PDE11A: variants seen among roughly 807,000 people sequenced by gnomAD.
PDE11A encodes dual 3',5'-cyclic-AMP and -GMP phosphodiesterase 11A.
Under a neutral mutation model 100.5 loss-of-function variants are expected in PDE11A, and 100 were observed. The ratio of observed to expected loss-of-function variants is 1.00; its 90% CI spans 0.85 to 1.18. The LOEUF (loss-of-function observed/expected upper bound fraction) is 1.18. PDE11A is among the 50% of genes most tolerant of loss of function. The probability of loss-of-function intolerance (pLI) is 0.00; values close to 1 mark genes in which losing one functional copy is unlikely to be tolerated. For missense variants in PDE11A, 1,141 were observed against 1,152.6 expected (o/e 0.99, Z 0.15); for synonymous variants, 381 against 420.8 (o/e 0.91, Z 1.16).
intron 2 of PDE11A, among the ~76,000 whole-genome samples, chr2:177,930,065 A>G (rs2085185084): frequency 6.6e-6 from 1 of 152,196 alleles, no homozygotes; most frequent in Admixed American, 6.5e-5. Context: ...TTAATACTTT[A>G]GATTTCTCAT....
intron 10 of PDE11A, among the ~76,000 whole-genome samples, chr2:177,751,121 T>C (rs1286964244): frequency 8.2e-5 from 8 of 98,130 alleles, no homozygotes; most frequent in Non-Finnish European, 4.7e-5. Context: ...AGAGTCATAG[T>C]GAGTAAGAAA....
intron 2 of PDE11A, among the ~76,000 whole-genome samples, chr2:177,999,574 C>T (rs1280806133): frequency 6.6e-6 from 1 of 152,156 alleles, no homozygotes; most frequent in African/African-American, 2.4e-5. Context: ...GGAGTTAAAA[C>T]TGCCCAGACG....
intron 3 of PDE11A, among the ~76,000 whole-genome samples, chr2:177,899,224 G>A (rs929851718): frequency 4.6e-5 from 7 of 152,098 alleles, no homozygotes; most frequent in South Asian, 2.1e-4. Flanking sequence ...TGGCTAATAC[G>A]GTGAAACCCC....
intron 12 of PDE11A, among the ~76,000 whole-genome samples, chr2:177,721,929 A>G (rs970812371): frequency 3.3e-5 from 5 of 152,096 alleles, no homozygotes; most frequent in Non-Finnish European, 5.9e-5. Flanking sequence ...ATAGCTCCCA[A>G]CTTAACACCC....
chr2:177,749,316 A>G (rs1574104256), intron 10 of PDE11A, among the ~76,000 whole-genome samples: 1 of 151,744 alleles, frequency 6.6e-6, no homozygotes, highest in Non-Finnish European at 1.5e-5. Flanking sequence ...GGATCAAGCA[A>G]CCCTCCTGCC....
intron 10 of PDE11A, among the ~76,000 whole-genome samples, chr2:177,742,152 T>G (rs776493156): frequency 1.3e-5 from 2 of 151,606 alleles, no homozygotes; most frequent in Non-Finnish European, 2.9e-5. Context: ...GGCAGTGGAG[T>G]GCTTCTCCAG....
intron 2 of PDE11A, among the ~76,000 whole-genome samples, chr2:178,095,361 C>A (rs1425087493): frequency 6.6e-6 from 1 of 152,214 alleles, no homozygotes; most frequent in Non-Finnish European, 1.5e-5. Flanking sequence ...AATCTTAAAG[C>A]TCCAAAATGA....
intron 10 of PDE11A, among the ~76,000 whole-genome samples, chr2:177,734,493 C>A (rs76851896): frequency 6.6e-6 from 1 of 151,978 alleles, no homozygotes; most frequent in African/African-American, 2.4e-5. Flanking sequence ...GGTAACACAG[C>A]GAAACCCCAT....
At chr2:177,869,453 C>G (rs531720713) in intron 5 of PDE11A, among the ~76,000 whole-genome samples, 1 of 152,326 alleles carries the variant, frequency 6.6e-6, no homozygotes, top group Non-Finnish European at 1.5e-5. Flanking sequence ...TTGTTGAATC[C>G]TGCTCGTGCA....
chr2:178,028,824 A>C (rs1308249230), intron 1 of PDE11A, among the ~76,000 whole-genome samples: 2 of 152,198 alleles, frequency 1.3e-5, no homozygotes, highest in Non-Finnish European at 2.9e-5. Context: ...CAGGGCCAGG[A>C]ACCATTCTAT....
At chr2:178,072,922 G>C, upstream of PDE11A, 1 of 985,380 alleles carries the variant, frequency 1.0e-6, no homozygotes, top group Non-Finnish European at 1.2e-6. Context: ...GCGGTTCCTG[G>C]AAGAGTCTCT....
chr2:177,907,640 G>A (rs1296396789), intron 2 of PDE11A, among the ~76,000 whole-genome samples: 1 of 152,190 alleles, frequency 6.6e-6, no homozygotes, highest in Non-Finnish European at 1.5e-5. Flanking sequence ...GGCACTGGCT[G>A]TATCTTTCTG....
chr2:178,019,577 G>A (rs1215950874), intron 1 of PDE11A, among the ~76,000 whole-genome samples: 1 of 152,094 alleles, frequency 6.6e-6, no homozygotes, highest in East Asian at 1.9e-4. Flanking sequence ...AACCTAGATG[G>A]CTTATTCTTA....
chr2:177,952,145 G>A (rs1323373341), intron 2 of PDE11A, among the ~76,000 whole-genome samples: 4 of 152,154 alleles, frequency 2.6e-5, no homozygotes, highest in Non-Finnish European at 5.9e-5. Flanking sequence ...TGACAAAGTA[G>A]ACTCTTTTAT....
chr2:177,698,849 T>C (rs1043205492), intron 14 of PDE11A, among the ~76,000 whole-genome samples: 1 of 152,202 alleles, frequency 6.6e-6, no homozygotes, highest in Non-Finnish European at 1.5e-5. Context: ...GCCTGTGCAT[T>C]ACCCAATGAT....
chr2:178,026,851 G>A (rs2086485316), intron 1 of PDE11A, among the ~76,000 whole-genome samples: 1 of 151,724 alleles, frequency 6.6e-6, no homozygotes, highest in African/African-American at 2.4e-5. Context: ...TACATATTTG[G>A]GAAAAATAAG....
chr2:178,085,552 AAACC>A (rs1340112377), intron 2 of PDE11A, among the ~76,000 whole-genome samples: 1 of 149,964 alleles, frequency 6.7e-6, no homozygotes, highest in Non-Finnish European at 1.5e-5. Context: ...AAAAAAAAAT[AAACC>A]TAAAGAATAT....
chr2:178,103,253 G>A (rs1187907354), intron 2 of PDE11A, among the ~76,000 whole-genome samples: 1 of 152,076 alleles, frequency 6.6e-6, no homozygotes, highest in Admixed American at 6.6e-5. Context: ...TATGCTAAGT[G>A]AAAGAAGTCA....
chr2:177,746,589 A>G (rs755067648), intron 10 of PDE11A, among the ~76,000 whole-genome samples: 1 of 152,244 alleles, frequency 6.6e-6, no homozygotes, highest in Non-Finnish European at 1.5e-5. Context: ...TAAAAAGGAA[A>G]AAGAATCAGT....
Sources: allele counts gnomAD v4.1 joint callset (sites outside exome capture counted in the v4.1 genomes callset), GRCh38; gene constraint gnomAD v4.1.1; transcripts MANE v1.5; gene names NCBI Gene and HGNC (gene_info 2026-07-23, HGNC 2026-07-21).